ITPR3: variants seen among roughly 807,000 people sequenced by gnomAD.
ITPR3 encodes inositol 1,4,5-trisphosphate receptor type 3, also known as inositol 1,4,5-trisphosphate-gated calcium channel ITPR3.
ITPR3 carries 173 observed loss-of-function variants against 293.2 expected under a neutral mutation model. That is an observed-to-expected ratio of 0.59 (90% CI 0.52 to 0.67). The LOEUF (loss-of-function observed/expected upper bound fraction) is 0.67. Ranked by LOEUF, ITPR3 falls within the 30% of genes least tolerant of loss-of-function variation. ITPR3 has a pLI of 0.00. For missense variants in ITPR3, 2,796 were observed against 3,592.1 expected (o/e 0.78, Z 5.66); for synonymous variants, 1,295 against 1,444.4 (o/e 0.90, Z 2.35).
chr6:33,630,107 C>T (rs570215347), intron 1 of ITPR3, among the ~76,000 whole-genome samples: 29 of 152,206 alleles, frequency 1.9e-4, no homozygotes, highest in Admixed American at 5.9e-4. Flanking sequence ...GAAAAACCAT[C>T]GAGATCCTGT....
rs373940845 is a variant in ITPR3 at position 33,651,544 on chromosome 6, C to G, written c.161-4222C>G. On this transcript the variant is annotated intron_variant, in intron 2 of 57. Coordinates refer to ENST00000605930, the MANE Select transcript of ITPR3 (RefSeq NM_002224.4). ...GTCCCGGTCTTCTGTTGACCCCTCA[C>G]CTTCTGTGGGCCTGGGCATGGACCT... 3.3e-5 allele frequency among the ~76,000 whole-genome samples: 5 copies of G among 152,164 alleles called. No individual in the cohort carries two copies. In the East Asian group the frequency reaches 5.8e-4, roughly 18 times the overall value.
Position 33,686,187 on chromosome 6 carries a change from G to T in ITPR3, c.5802G>T (p.Val1934=), listed in dbSNP as rs753540748. The T allele has an allele frequency of 3.1e-6, 5 of 1,614,012 alleles. No individual in the cohort carries two copies. The East Asian group carries it at 1.1e-4, about 36-fold the overall frequency. The change falls in exon 42 of 58, where the codon GTG becomes GTT. Residue 1934 remains valine, a synonymous_variant. Transcript: ENST00000605930. ...GGCTCTACATCAATGAGGACAACGT[G>T]GGCCTCGTCATCCAGACCTTGGAGA... The part of the protein sequence containing the change: ...LLGLYINEDN[V]GLVIQTLETL...
In ITPR3 at chr6:33,695,071, G is replaced by A. The variant is rs753797425; in HGVS notation, c.7933G>A (p.Glu2645Lys). The change falls in exon 57 of 58, where the codon GAG becomes AAG. Residue 2645 changes from glutamate (E) to lysine (K), a missense_variant. Glu to Lys is a moderately conservative substitution (Grantham distance 56). Coordinates refer to ENST00000605930, the MANE Select transcript of ITPR3 (RefSeq NM_002224.4). ...GTCCCACCTCACTGCCCAGCTCAAC[G>A]AGCTCAAGGAGCAGGTGTGCACCCC... Reference protein sequence around the residue: ...LVSHLTAQLNELKEQMTEQRK... With the variant: ...LVSHLTAQLNKLKEQMTEQRK... 3.1e-6 allele frequency: 5 copies of A among 1,613,798 alleles called. No individual in the cohort carries two copies. The highest frequency in any genetic ancestry group is 1.1e-5 in the South Asian group (1 of 91,062).
In ITPR3 at chr6:33,665,040, C is replaced by G. The variant is rs1452949330; in HGVS notation, c.1249-13C>G. On this transcript the variant is annotated splice_polypyrimidine_tract_variant and intron_variant, in intron 12 of 57. Coordinates refer to ENST00000605930, the MANE Select transcript of ITPR3 (RefSeq NM_002224.4). The stretch of plus-strand genomic sequence containing the variant: ...CTTGTTCCCAGGTGCCCTGCTGACC[C>G]CTGTCTCTGCAGCTGGGCACCTGCC... 1 of 1,613,706 alleles carries G rather than the reference C, an allele frequency of 6.2e-7. No homozygotes were observed. Among genetic ancestry groups the G allele is most frequent in the South Asian group, 1.1e-5 (1 of 91,082 alleles).
chr6:33,676,573 G>T (rs1321635499), intron 25 of ITPR3, among the ~76,000 whole-genome samples, 195 bp from the exon 26 acceptor site: 1 of 152,260 alleles, frequency 6.6e-6, no homozygotes, highest in Admixed American at 6.5e-5. Flanking sequence ...GGAGGCCTGT[G>T]GCCAGCAGGG....
In ITPR3 at chr6:33,658,828, C is replaced by T. The variant is rs116499996; in HGVS notation, c.528C>T (p.Asn176=). ...GGAAGCTGCGGAGCAACGGGGACAA[C>T]GTGAGGGCAGGGCCAGGGTTGGAGG... ...PFWKLRSNGD[N]VVVGDKVILN... Residue 176 remains asparagine (N), a splice_region_variant and synonymous_variant, in exon 5 of 58, where the codon AAC becomes AAT. Coordinates refer to ENST00000605930, the MANE Select transcript of ITPR3 (RefSeq NM_002224.4). The surrounding 1 kb of genome is among the most constrained non-coding windows in gnomAD (Gnocchi z 6.1). 325 of 1,614,040 alleles carry T rather than the reference C, an allele frequency of 2.0e-4. No homozygotes were observed. In the African/African-American group the frequency reaches 3.6e-3, roughly 18 times the overall value.
chr6:33,645,840 T>G (rs1764053067), intron 2 of ITPR3, among the ~76,000 whole-genome samples: 1 of 152,192 alleles, frequency 6.6e-6, no homozygotes, highest in Admixed American at 6.5e-5. Flanking sequence ...CTCTTTTTTT[T>G]TTTCTTTCGT....
Position 33,678,412 on chromosome 6 carries a change from T to G in ITPR3, c.3649-9T>G. 6.2e-7 allele frequency: 1 copy of G among 1,612,618 alleles called. No homozygotes were observed. The highest frequency in any genetic ancestry group is 8.5e-7 in the Non-Finnish European group (1 of 1,179,198). ...GGCCCAGCACCCTCTCCCTGACTCC[T>G]GTGTCCAGGGTGATGCCAAGATGAT... On this transcript the variant is annotated splice_polypyrimidine_tract_variant and intron_variant, in intron 28 of 57. Coordinates refer to ENST00000605930, the MANE Select transcript of ITPR3 (RefSeq NM_002224.4).
At chr6:33,644,738 A>G (rs1199115273) in intron 2 of ITPR3, among the ~76,000 whole-genome samples, 1 of 146,674 alleles carries the variant, frequency 6.8e-6, no homozygotes, top group East Asian at 2.0e-4. Context: ...ATCAAGGCTC[A>G]CTGCAACCTC....
At position 33,675,721 on chromosome 6, in the gene ITPR3, C is replaced by T. The variant is rs372554336; in HGVS notation, c.3147C>T (p.Asp1049=). 1.1e-5 allele frequency: 18 copies of T among 1,608,974 alleles called. No individual in the cohort carries two copies. Among genetic ancestry groups the T allele is most frequent in the African/African-American group, 1.3e-5 (1 of 74,744 alleles). ...GKTSSMLEVD[D]EGGRMFLRVL... The stretch of plus-strand genomic sequence containing the variant: ...CAAGCAGCATGCTGGAGGTGGATGA[C>T]GAGGGCGGCCGCATGTTCCTGCGCG... The change falls in exon 25 of 58, where the codon GAC becomes GAT. Residue 1049 remains aspartate, a synonymous_variant. Transcript: ENST00000605930. The surrounding 1 kb of genome is among the most constrained non-coding windows in gnomAD (Gnocchi z 5.0).
rs189209204 is a variant in ITPR3, at chr6:33,664,663, C to T, written c.1149-207C>T. 1.7e-3 allele frequency among the ~76,000 whole-genome samples: 266 copies of T among 152,176 alleles called. No homozygotes were observed. The highest frequency in any genetic ancestry group is 6.0e-3 in the African/African-American group (248 of 41,536). On this transcript the variant is annotated intron_variant, in intron 11 of 57. Transcript: ENST00000605930. This position sits in a 1 kb window ranked among gnomAD's most constrained non-coding sequence, Gnocchi z 4.4. ...GCCCGTGTCAGTGCAGTGGTCAGGA[C>T]GGGGCCTGGGCGCAGGGCTAGCTCT...
Position 33,684,776 on chromosome 6 carries a change from C to T in ITPR3, c.5140C>T (p.Leu1714=). The T allele has an allele frequency of 1.2e-6, 2 of 1,611,430 alleles. No homozygotes were observed. The highest frequency in any genetic ancestry group is 1.7e-6 in the Non-Finnish European group (2 of 1,178,296). ...GDLPDPIGTG[L]DPDWSAIAAT... ...CCTCAACCGAGTCCCGCCTCCAGGC[C>T]TGGACCCAGACTGGTCGGCAATCGC... is the stretch of plus-strand genomic sequence containing the variant. Residue 1714 remains leucine, a splice_region_variant and synonymous_variant, in exon 39 of 58, where the codon CTG becomes TTG. Transcript: ENST00000605930. This position sits in a 1 kb window ranked among gnomAD's most constrained non-coding sequence, Gnocchi z 4.2.
intron 29 of ITPR3, 42 bp downstream of exon 29, chr6:33,678,585 TG>T (rs759827285): frequency 5.2e-5 from 49 of 946,214 alleles, no homozygotes; most frequent in East Asian, 1.1e-4. Context: ...AGGCGGGGGA[TG>T]GGGGGTGGGG....
In ITPR3 at chr6:33,683,075, G is replaced by GT. The variant is rs1765121659; in HGVS notation, c.4598-132_4598-131insT. ...AGTCCCTCAAGCATAGGCCGGGGTG[G>GT]GGGGGGTCTCTGTCTCCCAGACCCT... On this transcript the variant is annotated intron_variant, in intron 34 of 57. Coordinates refer to ENST00000605930, the MANE Select transcript of ITPR3 (RefSeq NM_002224.4). This position sits in a 1 kb window ranked among gnomAD's most constrained non-coding sequence, Gnocchi z 4.5. The GT allele has an allele frequency of 2.1e-6, 1 of 485,654 alleles. No individual in the cohort carries two copies. The highest frequency in any genetic ancestry group is 8.5e-5 in the Admixed American group (1 of 11,808). 30.1% of individuals were successfully genotyped at this position (485,654 alleles called of 1,614,324 possible). A position where few individuals can be genotyped will look rare whatever the true frequency, so the allele number is the denominator to read the frequency against.
In ITPR3 at chr6:33,670,891, A is replaced by G; in HGVS notation, c.2586+76A>G. Reference sequence around the variant, plus strand: ...CCCACACTGGCCTCGGTCTTCACCCAGGAGTCGGCTGTGGGATCCATGACC... The same window carrying G: ...CCCACACTGGCCTCGGTCTTCACCCGGGAGTCGGCTGTGGGATCCATGACC... On this transcript the variant is annotated intron_variant, in intron 20 of 57. Transcript: ENST00000605930. This position sits in a 1 kb window ranked among gnomAD's most constrained non-coding sequence, Gnocchi z 6.7. 2 of 1,548,198 alleles carry G rather than the reference A, an allele frequency of 1.3e-6. No homozygotes were observed. Among genetic ancestry groups the G allele is most frequent in the South Asian group, 2.4e-5 (2 of 84,582 alleles).
At chr6:33,693,415 G>A in intron 55 of ITPR3, 130 bp from the exon 56 acceptor site, 1 of 850,708 alleles carries the variant, frequency 1.2e-6, no homozygotes, top group Non-Finnish European at 1.9e-6. Context: ...ATAGCCCAGA[G>A]CGAGCTGTTG....
At chr6:33,671,344 C>T in intron 21 of ITPR3, 38 bp downstream of exon 21, 3 of 1,488,424 alleles carry the variant, frequency 2.0e-6, no homozygotes, top group Non-Finnish European at 2.8e-6. Flanking sequence ...CCTGGTGGTC[C>T]TCAGCCTCCT....
Position 33,672,602 on chromosome 6 carries a change from C to T in ITPR3, c.2928+374C>T, listed in dbSNP as rs369334479. On this transcript the variant is annotated intron_variant, in intron 22 of 57. Transcript: ENST00000605930. The surrounding 1 kb of genome is among the most constrained non-coding windows in gnomAD (Gnocchi z 5.0). The stretch of plus-strand genomic sequence containing the variant: ...AAAAAGAAAAACAGAAATGCACATT[C>T]TCCGGCCCCACCCTAGACCTACTGA... Among the ~76,000 whole-genome samples, 1 of 152,278 alleles carries T rather than the reference C, an allele frequency of 6.6e-6. No individual in the cohort carries two copies. The highest frequency in any genetic ancestry group is 2.4e-5 in the African/African-American group (1 of 41,546).
Position 33,665,359 on chromosome 6 carries a change from G to A in ITPR3, c.1409+146G>A, listed in dbSNP as rs900817646. 36 of 1,078,200 alleles carry A rather than the reference G, an allele frequency of 3.3e-5. 2 individuals are homozygous for A. The Admixed American group carries it at 4.5e-4, about 13-fold the overall frequency. 66.8% of individuals were successfully genotyped at this position (1,078,200 alleles called of 1,614,324 possible). ...CCCTGTGGGGCCCTGGCTGAGCCTG[G>A]GACCCTGGAGTTGGGTGCCTCACGG... On this transcript the variant is annotated intron_variant, in intron 13 of 57. Transcript: ENST00000605930.
Sources: allele counts gnomAD v4.1 joint callset (sites outside exome capture counted in the v4.1 genomes callset), GRCh38; gene constraint gnomAD v4.1.1; non-coding constraint Gnocchi (gnomAD v3.1); transcripts MANE v1.5; gene names NCBI Gene and HGNC (gene_info 2026-07-23, HGNC 2026-07-21).